The following KIAA1671 variants were observed in gnomAD, a reference collection of about 807,000 sequenced individuals.
KIAA1671 encodes uncharacterized protein KIAA1671.
A neutral mutation model predicts 131.2 loss-of-function variants in KIAA1671; 52 were observed. The ratio of observed to expected loss-of-function variants is 0.40; its 90% CI spans 0.32 to 0.50. KIAA1671 has a LOEUF of 0.50. Among genes scored for constraint, KIAA1671 ranks in the 20% least tolerant of loss-of-function variants. KIAA1671 has a pLI of 0.73. For synonymous variants in KIAA1671, 1,003 were observed against 961.6 expected, an observed-to-expected ratio of 1.04 and a Z score of -0.80; for missense variants, 2,360 against 2,364.2, an observed-to-expected ratio of 1.00 and a Z score of 0.04.
chr22:25,146,654 C>G (rs1932884225), intron 6 of KIAA1671, among the ~76,000 whole-genome samples: 1 of 152,174 alleles, frequency 6.6e-6, no homozygotes, highest in Non-Finnish European at 1.5e-5. Context: ...TTCAGTTTCC[C>G]CATCTGAAAA....
At chr22:25,021,608 TGGAA>T (rs1165380861) in intron 1 of KIAA1671, among the ~76,000 whole-genome samples, 2 of 151,862 alleles carry the variant, frequency 1.3e-5, no homozygotes, top group African/African-American at 2.4e-5. Context: ...AATTGTGTAT[TGGAA>T]GGAAGGAAGG....
intron 10 of KIAA1671, 80 bp from the exon 11 acceptor site, chr22:25,184,897 T>C (rs1157279039): frequency 2.0e-6 from 3 of 1,516,608 alleles, no homozygotes; most frequent in South Asian, 1.2e-5. Flanking sequence ...AGAAGGCTCA[T>C]TGTACCTGAC....
Position 25,028,851 on chromosome 22 carries a change from C to T in KIAA1671, c.852C>T (p.Ser284=). The stretch of plus-strand genomic sequence containing the variant: ...GGGTGAGGAAGCCCAGGCCCTTGTC[C>T]ATGGACCTCACGGCCCGGTTTGAGA... ...KTWVRKPRPL[S]MDLTARFENK... The change falls in exon 3 of 13, where the codon TCC becomes TCT. Residue 284 remains serine, a synonymous_variant. Coordinates refer to ENST00000358431, the MANE Select transcript of KIAA1671 (RefSeq NM_001145206.2). 1 of 1,550,888 alleles carries T rather than the reference C, an allele frequency of 6.4e-7. No individual in the cohort carries two copies. The highest frequency in any genetic ancestry group is 1.2e-5 in the South Asian group (1 of 83,976).
chr22:24,993,970 A>C (rs1923974175), intron 1 of KIAA1671, among the ~76,000 whole-genome samples: 1 of 152,098 alleles, frequency 6.6e-6, no homozygotes, highest in Non-Finnish European at 1.5e-5. Flanking sequence ...AATCCCAGCT[A>C]CTCAGGAGAC....
At chr22:25,093,053 G>C (rs1042907849) in intron 6 of KIAA1671, among the ~76,000 whole-genome samples, 6 of 152,198 alleles carry the variant, frequency 3.9e-5, no homozygotes, top group Admixed American at 6.5e-5. Context: ...ACAGGTTCCT[G>C]GGTTTAAGTC....
At chr22:25,084,888 C>T (rs758214027) in intron 6 of KIAA1671, among the ~76,000 whole-genome samples, 19 of 152,344 alleles carry the variant, frequency 1.2e-4, no homozygotes, top group Admixed American at 1.0e-3. Context: ...CACTGAAACA[C>T]GGCCACTCCT....
At position 25,093,592 on chromosome 22, in the gene KIAA1671, G is replaced by A. The variant is rs185141955; in HGVS notation, c.4530+44228G>A. Among the ~76,000 whole-genome samples, 506 of 151,794 alleles carry A rather than the reference G, an allele frequency of 3.3e-3. 1 individual carries two copies. Among genetic ancestry groups the A allele is most frequent in the Non-Finnish European group, 5.4e-3 (368 of 67,946 alleles). ...AGTCCATTTTGAAATGAGAACACTT[G>A]GTGGGGAGCGGGGAGGCAGTTATTA... On this transcript the variant is annotated intron_variant, in intron 6 of 12. Coordinates refer to ENST00000358431, the MANE Select transcript of KIAA1671 (RefSeq NM_001145206.2).
intron 6 of KIAA1671, among the ~76,000 whole-genome samples, chr22:25,086,221 T>G (rs993468421): frequency 9.9e-5 from 15 of 152,256 alleles, no homozygotes; most frequent in Admixed American, 2.0e-4. Flanking sequence ...AGAGCATGTC[T>G]TGTTCATCTC....
chr22:25,162,100 T>C (rs1933464929), intron 6 of KIAA1671, among the ~76,000 whole-genome samples: 1 of 152,166 alleles, frequency 6.6e-6, no homozygotes, highest in Non-Finnish European at 1.5e-5. Context: ...CTCTGTGAAA[T>C]GGGTTCCTCA....
At chr22:25,015,767 G>T (rs1925278308) in intron 1 of KIAA1671, among the ~76,000 whole-genome samples, 3 of 152,150 alleles carry the variant, frequency 2.0e-5, no homozygotes, top group African/African-American at 7.2e-5. Context: ...TGGTCCAGGG[G>T]AAGTTTGGGG....
intron 6 of KIAA1671, among the ~76,000 whole-genome samples, chr22:25,081,711 G>A (rs1929417484): frequency 6.6e-6 from 1 of 152,010 alleles, no homozygotes; most frequent in Admixed American, 6.6e-5. Context: ...GGTTCTGACT[G>A]TCCAAATTTT....
At chr22:24,972,468 GCATCCATC>G (rs766886651) in intron 1 of KIAA1671, among the ~76,000 whole-genome samples, 1 of 151,962 alleles carries the variant, frequency 6.6e-6, no homozygotes, top group Non-Finnish European at 1.5e-5. Flanking sequence ...ACGCATGCAT[GCATCCATC>G]CATCCATCCA....
intron 6 of KIAA1671, among the ~76,000 whole-genome samples, chr22:25,144,298 C>G (rs1385048085): frequency 1.3e-5 from 2 of 152,210 alleles, no homozygotes; most frequent in Non-Finnish European, 2.9e-5. Flanking sequence ...CATGCCTCCT[C>G]CTCCAAGTAG....
At chr22:25,031,914 C>T (rs1227302633) in intron 3 of KIAA1671, among the ~76,000 whole-genome samples, 1 of 152,226 alleles carries the variant, frequency 6.6e-6, no homozygotes, top group Non-Finnish European at 1.5e-5. Context: ...TTTGATTTCT[C>T]TCCCTTTCCT....
At chr22:24,979,801 C>T (rs1196287519) in intron 1 of KIAA1671, among the ~76,000 whole-genome samples, 1 of 152,140 alleles carries the variant, frequency 6.6e-6, no homozygotes. Flanking sequence ...CGCCTCCCCA[C>T]AACCCCTGGC....
intron 3 of KIAA1671, among the ~76,000 whole-genome samples, chr22:25,029,930 A>G (rs912179901): frequency 1.3e-5 from 2 of 152,240 alleles, no homozygotes; most frequent in Admixed American, 6.5e-5. Flanking sequence ...CTGAAGTCAG[A>G]GAGAGAACGC....
At chr22:24,991,382 C>A (rs1923833129) in intron 1 of KIAA1671, among the ~76,000 whole-genome samples, 1 of 152,070 alleles carries the variant, frequency 6.6e-6, no homozygotes, top group African/African-American at 2.4e-5. Flanking sequence ...CAGGGCAGAT[C>A]AGCTTTGTGG....
intron 1 of KIAA1671, among the ~76,000 whole-genome samples, chr22:24,980,354 C>T (rs1923164587): frequency 6.6e-6 from 1 of 151,252 alleles, no homozygotes; most frequent in Non-Finnish European, 1.5e-5. Flanking sequence ...TTACTGCAAC[C>T]TCCACCTCCC....
chr22:25,184,996 C>G lies in KIAA1671; in HGVS notation c.5219C>G (p.Pro1740Arg). ...AVLKAQLHKR[P>R]EVDSPGETPS... ...CCCCAGGCTCAGCTGCACAAGAGGC[C>G]AGAGGTGGACAGTCCTGGCGAGACC... is the stretch of plus-strand genomic sequence containing the variant. Residue 1740 changes from proline (P) to arginine (R), a missense_variant, in exon 11 of 13, where the codon CCA (proline) becomes CGA (arginine). Coordinates refer to ENST00000358431, the MANE Select transcript of KIAA1671 (RefSeq NM_001145206.2). The G allele has an allele frequency of 6.4e-7, 1 of 1,551,580 alleles. No homozygotes were observed. Among genetic ancestry groups the G allele is most frequent in the Non-Finnish European group, 8.7e-7 (1 of 1,147,018 alleles).
Sources: allele counts gnomAD v4.1 joint callset (sites outside exome capture counted in the v4.1 genomes callset), GRCh38; gene constraint gnomAD v4.1.1; transcripts MANE v1.5; gene names NCBI Gene and HGNC (gene_info 2026-07-23, HGNC 2026-07-21).